PDGFC: variants seen among roughly 807,000 people sequenced by gnomAD.
The protein encoded by PDGFC is platelet-derived growth factor C.
Under a neutral mutation model 35.5 loss-of-function variants are expected in PDGFC, and 12 were observed. That is an observed-to-expected ratio of 0.34 (90% CI 0.22 to 0.55). The LOEUF (loss-of-function observed/expected upper bound fraction) is 0.55, where lower values mean the gene tolerates loss of function less well. PDGFC is among the 20% of genes least tolerant of loss of function. The probability of loss-of-function intolerance (pLI) is 0.91; values close to 1 mark genes in which losing one functional copy is unlikely to be tolerated. For missense variants in PDGFC, 322 were observed against 412.4 expected, an observed-to-expected ratio of 0.78 and a Z score of 1.90; for synonymous variants, 159 against 148.8, an observed-to-expected ratio of 1.07 and a Z score of -0.50.
chr4:156,763,152 C>T lies in PDGFC; in HGVS notation c.976G>A (p.Asp326Asn), dbSNP rs150603208. Residue 326 changes from aspartate (D) to asparagine (N), a missense_variant, in exon 6 of 6, where the codon GAC (aspartate) becomes AAC (asparagine). This residue lies in a region of PDGFC where 202 missense variants were observed against 295.9 expected (regional missense o/e 0.68). Coordinates refer to ENST00000502773, the MANE Select transcript of PDGFC (RefSeq NM_016205.3). ...TCCTCATGGTGCTCCAGGGCCACGT[C>T]GGTGAGTGATTTGTGCAATCCCCTG... Reference protein sequence around the residue: ...GVRGLHKSLTDVALEHHEECD... With the variant: ...GVRGLHKSLTNVALEHHEECD... 1.3e-5 allele frequency: 21 copies of T among 1,613,210 alleles called. No individual in the cohort carries two copies. The highest frequency in any genetic ancestry group is 1.6e-4 in the Middle Eastern group (1 of 6,078).
intron 3 of PDGFC, among the ~76,000 whole-genome samples, chr4:156,799,905 A>G (rs1371388388): frequency 6.6e-6 from 1 of 152,184 alleles, no homozygotes; most frequent in Non-Finnish European, 1.5e-5. Context: ...AAAAATTGGT[A>G]AATTCTAATT....
At position 156,901,137 on chromosome 4, in the gene PDGFC, T is replaced by G. The variant is rs142230905; in HGVS notation, c.119-50721A>C. Among the ~76,000 whole-genome samples, 553 of 152,272 alleles carry G rather than the reference T, an allele frequency of 3.6e-3. 11 individuals carry two copies. Among genetic ancestry groups the G allele is most frequent in the Admixed American group, 0.027 (419 of 15,286 alleles). On this transcript the variant is annotated intron_variant, in intron 1 of 5. Coordinates refer to ENST00000502773, the MANE Select transcript of PDGFC (RefSeq NM_016205.3). ...GCACATAAATCCTTTGGTATGTTTC[T>G]TAAAAATACTGATCTGAGACCCACC...
intron 2 of PDGFC, among the ~76,000 whole-genome samples, chr4:156,820,767 AATC>A (rs1179422641): frequency 1.3e-5 from 2 of 152,222 alleles, no homozygotes; most frequent in Admixed American, 1.3e-4. Flanking sequence ...AATATAATAA[AATC>A]AACAACTTAG....
chr4:156,888,368 ACT>A (rs759422797), intron 1 of PDGFC, among the ~76,000 whole-genome samples: 41 of 152,222 alleles, frequency 2.7e-4, no homozygotes, highest in Non-Finnish European at 5.6e-4. Flanking sequence ...TCAATAATCA[ACT>A]TTGTGCACAT....
At chr4:156,821,125 T>C (rs897874601) in intron 2 of PDGFC, among the ~76,000 whole-genome samples, 5 of 151,948 alleles carry the variant, frequency 3.3e-5, no homozygotes, top group South Asian at 2.1e-4. Context: ...TTGGAGTATA[T>C]ATAGTATGAA....
intron 1 of PDGFC, among the ~76,000 whole-genome samples, chr4:156,965,394 G>GT (rs1560894172): frequency 6.6e-6 from 1 of 152,138 alleles, no homozygotes; most frequent in African/African-American, 2.4e-5. Flanking sequence ...TATGGTGGGG[G>GT]TGAGGGATGT....
At chr4:156,776,782 A>C (rs974189484) in intron 3 of PDGFC, among the ~76,000 whole-genome samples, 2 of 152,172 alleles carry the variant, frequency 1.3e-5, no homozygotes, top group Non-Finnish European at 2.9e-5. Flanking sequence ...AAGGAACTGG[A>C]CTCTAAATCC....
At chr4:156,893,274 G>A (rs17035412) in intron 1 of PDGFC, among the ~76,000 whole-genome samples, 10,431 of 151,726 alleles carry the variant, frequency 0.069, 375 homozygotes, top group Middle Eastern at 0.097. Flanking sequence ...TTTTAACTTC[G>A]TTCAGGTGAT....
At chr4:156,862,909 G>A (rs1729750798) in intron 1 of PDGFC, among the ~76,000 whole-genome samples, 1 of 152,012 alleles carries the variant, frequency 6.6e-6, no homozygotes, top group Non-Finnish European at 1.5e-5. Context: ...TGGCCAGGCT[G>A]GTCTTGAACT....
At chr4:156,883,989 A>G (rs1025195324) in intron 1 of PDGFC, among the ~76,000 whole-genome samples, 10 of 152,174 alleles carry the variant, frequency 6.6e-5, no homozygotes, top group Admixed American at 3.3e-4. Flanking sequence ...AGGGATCTCT[A>G]TCAAAATGGG....
intron 5 of PDGFC, among the ~76,000 whole-genome samples, chr4:156,764,254 G>C (rs772665898): frequency 6.6e-6 from 1 of 152,132 alleles, no homozygotes; most frequent in East Asian, 1.9e-4. Context: ...TCTATTTAAA[G>C]ACTTAAAAGA....
At chr4:156,870,922 A>T (rs1278992227) in intron 1 of PDGFC, among the ~76,000 whole-genome samples, 1 of 152,172 alleles carries the variant, frequency 6.6e-6, no homozygotes, top group Non-Finnish European at 1.5e-5. Context: ...AGCTGCACAA[A>T]GGAAAACTTA....
At chr4:156,945,735 T>C (rs748301076) in intron 1 of PDGFC, among the ~76,000 whole-genome samples, 2 of 151,918 alleles carry the variant, frequency 1.3e-5, no homozygotes, top group Non-Finnish European at 2.9e-5. Flanking sequence ...AAAAAGCACC[T>C]TGGGAATTTT....
chr4:156,955,966 C>A (rs1732199300), intron 1 of PDGFC, among the ~76,000 whole-genome samples: 1 of 151,974 alleles, frequency 6.6e-6, no homozygotes, highest in African/African-American at 2.4e-5. Context: ...CAGTGATAAC[C>A]CCATGAGAAG....
At chr4:156,764,986 C>T (rs140688409) in intron 5 of PDGFC, among the ~76,000 whole-genome samples, 7 of 152,286 alleles carry the variant, frequency 4.6e-5, no homozygotes, top group East Asian at 1.9e-4. Context: ...CCACCATACA[C>T]GGTCCTAACA....
chr4:156,839,136 A>G (rs1439982571), intron 2 of PDGFC, among the ~76,000 whole-genome samples: 1 of 152,224 alleles, frequency 6.6e-6, no homozygotes, highest in African/African-American at 2.4e-5. Flanking sequence ...CAGTGCTAGA[A>G]GCAAGGAGCC....
chr4:156,776,026 A>T (rs1358577138), intron 3 of PDGFC, among the ~76,000 whole-genome samples: 1 of 152,150 alleles, frequency 6.6e-6, no homozygotes, highest in East Asian at 1.9e-4. Context: ...CACTGGTTCA[A>T]GAAAGAGCCG....
chr4:156,788,167 G>A (rs941877944), intron 3 of PDGFC, among the ~76,000 whole-genome samples: 1 of 151,952 alleles, frequency 6.6e-6, no homozygotes, highest in Admixed American at 6.6e-5. Context: ...GAGTCTCACC[G>A]ATAAGAAGTC....
intron 4 of PDGFC, among the ~76,000 whole-genome samples, chr4:156,772,144 G>A (rs1730708456): frequency 6.6e-6 from 1 of 152,106 alleles, no homozygotes. Context: ...TTCTTGCTAT[G>A]AATCCTGCCT....
Sources: allele counts gnomAD v4.1 joint callset (sites outside exome capture counted in the v4.1 genomes callset), GRCh38; gene constraint gnomAD v4.1.1; regional missense constraint gnomAD v4.1.1; transcripts MANE v1.5; gene names NCBI Gene and HGNC (gene_info 2026-07-23, HGNC 2026-07-21).